MRPS28: variants seen among roughly 807,000 people sequenced by gnomAD.
The protein encoded by MRPS28 is mitochondrial ribosomal protein S28.
Under a neutral mutation model 10.8 loss-of-function variants are expected in MRPS28, and 7 were observed. The observed-to-expected ratio is 0.65, with a 90% CI of 0.37 to 1.22. MRPS28 has a LOEUF of 1.22. Among genes scored for constraint, MRPS28 ranks in the 50% most tolerant of loss-of-function variants. The pLI is 0.02. For missense variants in MRPS28, 265 were observed against 232.9 expected, an observed-to-expected ratio of 1.14 and a Z score of -0.90; for synonymous variants, 121 against 93.3, an observed-to-expected ratio of 1.30 and a Z score of -1.71.
At chr8:79,944,108 T>C (rs930262429) in intron 2 of MRPS28, among the ~76,000 whole-genome samples, 14 of 152,204 alleles carry the variant, frequency 9.2e-5, no homozygotes, top group Admixed American at 7.9e-4. Context: ...ATAATGAATA[T>C]AAAAATGGGG....
chr8:79,920,702 G>A (rs1384469341), intron 2 of MRPS28, among the ~76,000 whole-genome samples: 3 of 152,150 alleles, frequency 2.0e-5, no homozygotes, highest in South Asian at 2.1e-4. Flanking sequence ...TTTGTCAGAG[G>A]AGTAGATTGC....
chr8:79,934,295 T>TTGAA (rs1806548328), intron 2 of MRPS28, among the ~76,000 whole-genome samples: 2 of 152,160 alleles, frequency 1.3e-5, no homozygotes, highest in African/African-American at 4.8e-5. Flanking sequence ...ATGAACATAT[T>TTGAA]AGTTCAATCT....
At chr8:79,930,411 A>G (rs759593560) in intron 2 of MRPS28, among the ~76,000 whole-genome samples, 1 of 152,236 alleles carries the variant, frequency 6.6e-6, no homozygotes, top group African/African-American at 2.4e-5. Flanking sequence ...ACTAAACACT[A>G]TATGTAGCAA....
chr8:79,941,432 T>C (rs564327960), intron 2 of MRPS28, among the ~76,000 whole-genome samples: 3 of 113,406 alleles, frequency 2.6e-5, no homozygotes, highest in South Asian at 3.4e-4. Flanking sequence ...TTTTGTGTTG[T>C]ACAATCTTAA....
chr8:79,939,723 C>G (rs994922561), intron 2 of MRPS28, among the ~76,000 whole-genome samples: 1 of 152,104 alleles, frequency 6.6e-6, no homozygotes, highest in Non-Finnish European at 1.5e-5. Flanking sequence ...GTAATCCCAG[C>G]ACTTTGGGAG....
At chr8:79,919,204 C>T in intron 2 of MRPS28, 56 bp from the exon 3 acceptor site, 1 of 1,345,844 alleles carries the variant, frequency 7.4e-7, no homozygotes, top group African/African-American at 1.5e-5. Context: ...ACATGAACAA[C>T]TAGTTTAATA....
chr8:79,925,797 G>A (rs1165776670), intron 2 of MRPS28, among the ~76,000 whole-genome samples: 3 of 151,976 alleles, frequency 2.0e-5, no homozygotes, highest in Non-Finnish European at 4.4e-5. Flanking sequence ...GACCAGCCTG[G>A]GCAACATGGC....
At chr8:80,016,416 A>C (rs1484413476) in intron 1 of MRPS28, among the ~76,000 whole-genome samples, 5 of 151,646 alleles carry the variant, frequency 3.3e-5, no homozygotes, top group East Asian at 1.9e-4. Flanking sequence ...GAGGAAACAA[A>C]AAAAAAAAAT....
At chr8:79,923,528 T>C (rs1810148863) in intron 2 of MRPS28, among the ~76,000 whole-genome samples, 1 of 152,176 alleles carries the variant, frequency 6.6e-6, no homozygotes, top group Admixed American at 6.6e-5. Flanking sequence ...TCATGCAATG[T>C]TATTTTTTAC....
intron 2 of MRPS28, among the ~76,000 whole-genome samples, chr8:79,982,661 G>T (rs1476183588): frequency 5.9e-5 from 9 of 152,182 alleles, no homozygotes; most frequent in Non-Finnish European, 1.3e-4. Flanking sequence ...CTCGCTGATT[G>T]CTAGCACAGC....
chr8:79,990,646 G>T (rs1204340727), intron 2 of MRPS28, among the ~76,000 whole-genome samples: 1 of 151,722 alleles, frequency 6.6e-6, no homozygotes, highest in Non-Finnish European at 1.5e-5. Context: ...AAAAGAAAAA[G>T]AATAGAATAG....
At chr8:79,925,204 T>C (rs1415822590) in intron 2 of MRPS28, among the ~76,000 whole-genome samples, 1 of 151,350 alleles carries the variant, frequency 6.6e-6, no homozygotes, top group African/African-American at 2.4e-5. Context: ...ATTATAATCA[T>C]AATTTTTGCT....
intron 2 of MRPS28, among the ~76,000 whole-genome samples, chr8:79,925,859 C>T (rs1275020840): frequency 1.3e-5 from 2 of 151,840 alleles, no homozygotes; most frequent in Admixed American, 6.6e-5. Context: ...TGGTGGCAGG[C>T]GTCTGTGGTC....
At chr8:80,013,634 C>CAAAAAAAAAAAAAAA (rs5892700) in intron 1 of MRPS28, among the ~76,000 whole-genome samples, 4 of 75,630 alleles carry the variant, frequency 5.3e-5, no homozygotes, top group Admixed American at 1.6e-4. Flanking sequence ...GACTCCATCT[C>CAAAAAAAAAAAAAAA]AAAAAAAAAA....
At chr8:79,994,340 T>C (rs1808443258) in intron 2 of MRPS28, among the ~76,000 whole-genome samples, 1 of 152,160 alleles carries the variant, frequency 6.6e-6, no homozygotes, top group Non-Finnish European at 1.5e-5. Context: ...TGACCTTGAA[T>C]GGAAATAAGA....
At chr8:80,005,030 G>C (rs138891884) in intron 1 of MRPS28, among the ~76,000 whole-genome samples, 5 of 152,194 alleles carry the variant, frequency 3.3e-5, no homozygotes, top group Non-Finnish European at 7.3e-5. Context: ...CAAAAGTGAC[G>C]GGGAGAATGG....
intron 2 of MRPS28, among the ~76,000 whole-genome samples, chr8:79,929,615 C>T (rs747125938): frequency 6.6e-6 from 1 of 151,430 alleles, no homozygotes; most frequent in Admixed American, 6.6e-5. Context: ...TATGCCCCCA[C>T]CCCCCCAAAA....
chr8:79,927,262 G>GT (rs976741213), intron 2 of MRPS28, among the ~76,000 whole-genome samples: 1 of 152,286 alleles, frequency 6.6e-6, no homozygotes, highest in South Asian at 2.1e-4. Context: ...ACCAAAAGAC[G>GT]TAAGATTTTC....
Position 79,932,924 on chromosome 8 carries a change from C to T in MRPS28, c.396-13776G>A, listed in dbSNP as rs142373617. On this transcript the variant is annotated intron_variant, in intron 2 of 2. Coordinates refer to ENST00000276585, the MANE Select transcript of MRPS28 (RefSeq NM_014018.3). ...AGTTCATTCAGGAACAAAACCACTC[C>T]TTCCTATCAGAATTGATGGAGGTCT... Among the ~76,000 whole-genome samples the T allele has an allele frequency of 5.3e-5, 8 of 152,188 alleles. 1 individual carries two copies. In the South Asian group the frequency reaches 1.4e-3, roughly 28 times the overall value.
Sources: gnomAD v4.1 joint callset for allele counts (sites outside exome capture counted in the v4.1 genomes callset) on GRCh38, gnomAD v4.1.1 for gene constraint, MANE v1.5 for transcripts, NCBI Gene and HGNC (gene_info 2026-07-23, HGNC 2026-07-21) for gene names.